The following ZNF521 variants were observed in gnomAD, a reference collection of about 807,000 sequenced individuals.
The protein encoded by ZNF521 is zinc finger protein 521, also known as LYST-interacting protein 3.
A neutral mutation model predicts 105.5 loss-of-function variants in ZNF521; 14 were observed. The observed-to-expected ratio is 0.13, with a 90% CI of 0.09 to 0.21. The LOEUF is 0.21. ZNF521 is among the 10% of genes least tolerant of loss of function. The probability of loss-of-function intolerance (pLI) is 1.00; values close to 1 mark genes in which losing one functional copy is unlikely to be tolerated. For missense variants in ZNF521, 1,233 were observed against 1,629.7 expected (o/e 0.76, Z 4.19); for synonymous variants, 635 against 606.0 (o/e 1.05, Z -0.70).
chr18:25,200,009 G>C (rs891145687), intron 4 of ZNF521, among the ~76,000 whole-genome samples: 8 of 152,002 alleles, frequency 5.3e-5, no homozygotes, highest in Non-Finnish European at 1.0e-4. Flanking sequence ...GTTAAGAGTA[G>C]ATAAAGGAGG....
At chr18:25,137,131 T>G (rs1044565075) in intron 5 of ZNF521, among the ~76,000 whole-genome samples, 3 of 152,208 alleles carry the variant, frequency 2.0e-5, no homozygotes, top group African/African-American at 7.2e-5. Context: ...AAAGACTGCG[T>G]CTTCCTAAAA....
chr18:25,155,193 A>C (rs2035120574), intron 5 of ZNF521, among the ~76,000 whole-genome samples: 2 of 152,076 alleles, frequency 1.3e-5, no homozygotes, highest in African/African-American at 4.8e-5. Flanking sequence ...TATTTGGGGA[A>C]GTTTACTTCA....
intron 3 of ZNF521, among the ~76,000 whole-genome samples, chr18:25,277,060 G>C (rs1277752065): frequency 3.3e-5 from 5 of 151,940 alleles, no homozygotes; most frequent in Non-Finnish European, 5.9e-5. Context: ...GCACACGCTT[G>C]TAATCCCAGG....
intron 5 of ZNF521, among the ~76,000 whole-genome samples, chr18:25,180,154 A>AT (rs548677528): frequency 7.2e-5 from 11 of 152,266 alleles, no homozygotes; most frequent in African/African-American, 2.6e-4. Context: ...GAAGATTATA[A>AT]TTTTTTCTTA....
At chr18:25,127,981 GCCTTTA>G (rs1260663658) in intron 5 of ZNF521, among the ~76,000 whole-genome samples, 26 of 151,994 alleles carry the variant, frequency 1.7e-4, no homozygotes, top group Admixed American at 1.4e-3. Context: ...TATGATGCCA[GCCTTTA>G]CCTAATACAG....
chr18:25,150,619 A>AT (rs2035028801), intron 5 of ZNF521, among the ~76,000 whole-genome samples: 2 of 152,164 alleles, frequency 1.3e-5, no homozygotes, highest in South Asian at 4.1e-4. Flanking sequence ...TTATAGTAGA[A>AT]TAAGGACTTT....
intron 3 of ZNF521, among the ~76,000 whole-genome samples, chr18:25,307,482 G>A (rs1258908925): frequency 6.6e-6 from 1 of 152,138 alleles, no homozygotes; most frequent in Non-Finnish European, 1.5e-5. Context: ...AAGTTCCTCA[G>A]AGCAGTCTGA....
chr18:25,302,914 C>T (rs1315256432), intron 3 of ZNF521: 1 of 152,180 alleles, frequency 6.6e-6, no homozygotes, highest in Admixed American at 6.5e-5. Context: ...GTGAGCAATA[C>T]AAAATGTTAC....
At chr18:25,334,036 CA>C (rs965808825) in intron 2 of ZNF521, among the ~76,000 whole-genome samples, 2 of 152,176 alleles carry the variant, frequency 1.3e-5, no homozygotes, top group African/African-American at 4.8e-5. Context: ...GCAGTAGTTC[CA>C]AGATTTCACC....
chr18:25,104,785 A>G (rs957397843), intron 5 of ZNF521, among the ~76,000 whole-genome samples: 28 of 152,202 alleles, frequency 1.8e-4, no homozygotes, highest in Admixed American at 6.5e-5. Flanking sequence ...GACAGTTCAG[A>G]AATTGAAACA....
At chr18:25,341,644 A>G (rs1039711175) in intron 2 of ZNF521, among the ~76,000 whole-genome samples, 2 of 152,214 alleles carry the variant, frequency 1.3e-5, no homozygotes, top group African/African-American at 4.8e-5. Flanking sequence ...CAATTCTTAA[A>G]AAGTATAGTT....
chr18:25,227,155 A>C lies in ZNF521; in HGVS notation c.763T>G (p.Phe255Val), dbSNP rs1298514090. 6.2e-7 allele frequency: 1 copy of C among 1,614,148 alleles called. No individual in the cohort carries two copies. Among genetic ancestry groups the C allele is most frequent in the Non-Finnish European group, 8.5e-7 (1 of 1,180,018 alleles). ...TTTTGGAGGTCTTCCGGGAAGTCAA[A>C]GCCTTCCTCACACTGACTGCACTTC... ...TQKCSQCEEG[F>V]DFPEDLQKHI... Residue 255 changes from phenylalanine to valine, a missense_variant, in exon 4 of 8, where the codon TTT (phenylalanine) becomes GTT (valine). Phe to Val is a conservative substitution (Grantham distance 50, BLOSUM62 -1). Transcript: ENST00000361524. The surrounding 1 kb of genome is among the most constrained non-coding windows in gnomAD (Gnocchi z 5.7).
intron 5 of ZNF521, among the ~76,000 whole-genome samples, chr18:25,139,263 G>C (rs900075346): frequency 6.7e-6 from 1 of 150,366 alleles, no homozygotes; most frequent in Non-Finnish European, 1.5e-5. Context: ...CCAGCTACTC[G>C]GGAGGCTAAA....
intron 7 of ZNF521, among the ~76,000 whole-genome samples, chr18:25,068,068 A>T (rs1461492772): frequency 1.3e-5 from 2 of 152,240 alleles, no homozygotes; most frequent in African/African-American, 2.4e-5. Context: ...CAAGCTTTCC[A>T]CCACTAATTC....
chr18:25,230,992 C>T (rs1253380731), intron 3 of ZNF521, among the ~76,000 whole-genome samples: 2 of 152,150 alleles, frequency 1.3e-5, no homozygotes, highest in Non-Finnish European at 2.9e-5. Context: ...TCCAACACTC[C>T]TGAGACTTTC....
chr18:25,085,911 T>C (rs2033613237), intron 7 of ZNF521, among the ~76,000 whole-genome samples: 1 of 152,096 alleles, frequency 6.6e-6, no homozygotes, highest in Admixed American at 6.5e-5. Flanking sequence ...TGATGGTCAA[T>C]TCCAGAATGC....
At chr18:25,110,288 T>C (rs2034158612) in intron 5 of ZNF521, among the ~76,000 whole-genome samples, 1 of 152,360 alleles carries the variant, frequency 6.6e-6, no homozygotes, top group Admixed American at 6.5e-5. Context: ...AGCAGAATGC[T>C]ATCAGCGGGA....
chr18:25,129,012 G>A (rs1011430120), intron 5 of ZNF521, among the ~76,000 whole-genome samples: 4 of 151,700 alleles, frequency 2.6e-5, no homozygotes, highest in Non-Finnish European at 4.4e-5. Flanking sequence ...CTGAAGAAGA[G>A]CAAAATCAGA....
intron 5 of ZNF521, among the ~76,000 whole-genome samples, chr18:25,182,987 A>G (rs1008780570): frequency 3.9e-5 from 6 of 152,206 alleles, no homozygotes; most frequent in African/African-American, 1.4e-4. Context: ...AGGCTCCTAG[A>G]TACCAATTTT....
Sources: allele counts gnomAD v4.1 joint callset (sites outside exome capture counted in the v4.1 genomes callset), GRCh38; gene constraint gnomAD v4.1.1; non-coding constraint Gnocchi (gnomAD v3.1); transcripts MANE v1.5; gene names NCBI Gene and HGNC (gene_info 2026-07-23, HGNC 2026-07-21).